The following ANKRD30B variants were observed in gnomAD, a reference collection of about 807,000 sequenced individuals.
The protein encoded by ANKRD30B is ankyrin repeat domain 30B, also known as ankyrin repeat domain-containing protein 30B.
ANKRD30B carries 144 observed loss-of-function variants against 202.2 expected under a neutral mutation model. That is an observed-to-expected ratio of 0.71 (90% CI 0.62 to 0.82). The LOEUF (loss-of-function observed/expected upper bound fraction) is 0.82, where lower values mean the gene tolerates loss of function less well. ANKRD30B is among the 40% of genes least tolerant of loss of function. The pLI is 0.00. For synonymous variants in ANKRD30B, 508 were observed against 561.3 expected (o/e 0.91, Z 1.34); for missense variants, 1,487 against 1,669.1 (o/e 0.89, Z 1.90).
chr18:14,931,721 C>T, the ANKRD30B span, among the ~76,000 whole-genome samples: 29 of 152,198 alleles, frequency 1.9e-4, no homozygotes, highest in East Asian at 4.5e-3. Context: ...TGGCCTTAGG[C>T]GAAGTACAGC....
At chr18:14,867,775 G>T in the ANKRD30B span, among the ~76,000 whole-genome samples, 1 of 152,216 alleles carries the variant, frequency 6.6e-6, no homozygotes, top group Non-Finnish European at 1.5e-5. Context: ...GGCCAGCTTG[G>T]TCTAGGAGGA....
At chr18:14,845,077 C>T (rs1234862323) in intron 39 of ANKRD30B, among the ~76,000 whole-genome samples, 1 of 151,950 alleles carries the variant, frequency 6.6e-6, no homozygotes, top group East Asian at 1.9e-4. Context: ...TTTTGCTGTG[C>T]TGAAGCTCTT....
downstream of ANKRD30B, among the ~76,000 whole-genome samples, chr18:14,856,595 T>C (rs2143301727): frequency 9.4e-6 from 1 of 106,078 alleles, no homozygotes; most frequent in Non-Finnish European, 2.0e-5. Flanking sequence ...GAGGCGCTCT[T>C]CACTTCCCAG....
intron 3 of ANKRD30B, among the ~76,000 whole-genome samples, chr18:14,754,166 C>T (rs1913951426): frequency 6.6e-6 from 1 of 152,116 alleles, no homozygotes. Flanking sequence ...AGAGCCACTT[C>T]CTTAGTGACC....
At chr18:14,749,496 A>G (rs1913054109) in intron 1 of ANKRD30B, among the ~76,000 whole-genome samples, 1 of 151,906 alleles carries the variant, frequency 6.6e-6, no homozygotes, top group Non-Finnish European at 1.5e-5. Context: ...ATATGGTGAA[A>G]CACCGTCTCT....
chr18:14,797,971 T>C, intron 20 of ANKRD30B, 117 bp downstream of exon 20: 1 of 994,702 alleles, frequency 1.0e-6, no homozygotes, highest in Middle Eastern at 3.3e-4. Flanking sequence ...GAAAATTTGA[T>C]ACAAATAATG....
At chr18:14,787,917 C>G (rs575427225) in intron 15 of ANKRD30B, among the ~76,000 whole-genome samples, 1 of 152,280 alleles carries the variant, frequency 6.6e-6, no homozygotes, top group South Asian at 2.1e-4. Context: ...TACCTGTTTG[C>G]TTTCATTTAG....
downstream of ANKRD30B, among the ~76,000 whole-genome samples, chr18:14,859,053 T>G (rs534269535): frequency 2.0e-4 from 24 of 117,962 alleles, no homozygotes; most frequent in East Asian, 4.6e-3. Flanking sequence ...GCTCCTCGCC[T>G]CCCACATGGG....
At position 14,782,715 on chromosome 18, in the gene ANKRD30B, T is replaced by C; in HGVS notation, c.1570+101T>C. On this transcript the variant is annotated intron_variant, in intron 12 of 43. Transcript: ENST00000690538. Reference sequence around the variant, plus strand: ...TAGCCAAATAAAATTACCCACTAAATACATAACATCGAAAAGAGAGGAGTA... The same window carrying C: ...TAGCCAAATAAAATTACCCACTAAACACATAACATCGAAAAGAGAGGAGTA... 6 of 641,644 alleles carry C rather than the reference T, an allele frequency of 9.4e-6. 1 individual carries two copies. The African/African-American group carries it at 9.4e-5, about 10-fold the overall frequency. 39.7% of individuals were successfully genotyped at this position (641,644 alleles called of 1,614,324 possible).
At chr18:14,769,703 A>G (rs913861324) in intron 8 of ANKRD30B, among the ~76,000 whole-genome samples, 1 of 152,224 alleles carries the variant, frequency 6.6e-6, no homozygotes, top group Admixed American at 6.5e-5. Flanking sequence ...AGACCTCTGC[A>G]TCACTGAGAT....
At chr18:14,829,752 A>G (rs1421463335) in intron 33 of ANKRD30B, among the ~76,000 whole-genome samples, 1 of 152,202 alleles carries the variant, frequency 6.6e-6, no homozygotes, top group East Asian at 1.9e-4. Flanking sequence ...CTATTGAAAG[A>G]TTTAGAAAAA....
the ANKRD30B span, among the ~76,000 whole-genome samples, chr18:14,901,785 CA>C: frequency 6.6e-6 from 1 of 152,066 alleles, no homozygotes; most frequent in East Asian, 1.9e-4. Flanking sequence ...CTTCCATTAC[CA>C]AAGCTTTGAT....
the ANKRD30B span, among the ~76,000 whole-genome samples, chr18:14,922,970 C>A: frequency 6.6e-6 from 1 of 152,110 alleles, no homozygotes; most frequent in East Asian, 1.9e-4. Context: ...AGTCACCAGG[C>A]CCTACTTCCT....
chr18:14,931,972 T>G, the ANKRD30B span, among the ~76,000 whole-genome samples: 172 of 5,884 alleles, frequency 0.029, 6 homozygotes, highest in Middle Eastern at 0.21. Context: ...TCCTCCCTCC[T>G]GTACTGTCCC....
intron 22 of ANKRD30B, 66 bp downstream of exon 22, chr18:14,799,361 C>T: frequency 7.5e-7 from 1 of 1,337,112 alleles, no homozygotes; most frequent in Non-Finnish European, 1.0e-6. Context: ...ATGCTGAGCA[C>T]CTTTTTATTC....
the ANKRD30B span, among the ~76,000 whole-genome samples, chr18:14,913,185 AG>A: frequency 6.6e-6 from 1 of 152,242 alleles, no homozygotes; most frequent in Non-Finnish European, 1.5e-5. Context: ...TACCAATTGA[AG>A]CTTTCAGTGA....
In ANKRD30B at chr18:14,851,531, A is replaced by G; in HGVS notation, c.3587A>G (p.Glu1196Gly). ...LNQVSHTHES[E>G]NDLFHENCML... is the part of the protein sequence containing the mutation. ...TAGGTTTCTCACACTCATGAAAGTGAAAATGATCTCTTTCATGAAAATTGC... is the reference window on the plus strand; with the variant it reads ...TAGGTTTCTCACACTCATGAAAGTGGAAATGATCTCTTTCATGAAAATTGC... Residue 1196 changes from glutamate to glycine, a missense_variant, in exon 42 of 44, where the codon GAA becomes GGA. By Grantham distance (98) the Glu-to-Gly change is moderately conservative (BLOSUM62 -2). This residue lies in a region of ANKRD30B where 177 missense variants were observed against 216.4 expected (regional missense o/e 0.82). Coordinates refer to ENST00000690538, the MANE Select transcript of ANKRD30B (RefSeq NM_001367607.2). 1 of 1,547,864 alleles carries G rather than the reference A, an allele frequency of 6.5e-7. No homozygotes were observed. The highest frequency in any genetic ancestry group is 1.4e-5 in the African/African-American group (1 of 71,558).
intron 20 of ANKRD30B, among the ~76,000 whole-genome samples, chr18:14,798,259 G>C (rs1230644214): frequency 6.9e-6 from 1 of 145,078 alleles, no homozygotes; most frequent in Non-Finnish European, 1.5e-5. Context: ...GGGTGGGGGT[G>C]GGTTAATGAG....
chr18:14,761,411 A>C (rs186057900), intron 6 of ANKRD30B, among the ~76,000 whole-genome samples: 12 of 152,266 alleles, frequency 7.9e-5, no homozygotes, highest in Non-Finnish European at 1.5e-4. Flanking sequence ...ACCTGTGGGT[A>C]ATTAATCTGG....
Sources: allele counts gnomAD v4.1 joint callset (sites outside exome capture counted in the v4.1 genomes callset), GRCh38; gene constraint gnomAD v4.1.1; regional missense constraint gnomAD v4.1.1; transcripts MANE v1.5; gene names NCBI Gene and HGNC (gene_info 2026-07-23, HGNC 2026-07-21).